KIF26B: variants seen among roughly 807,000 people sequenced by gnomAD.
KIF26B encodes kinesin-like protein KIF26B.
KIF26B carries 63 observed loss-of-function variants against 151.2 expected under a neutral mutation model. The ratio of observed to expected loss-of-function variants is 0.42; its 90% CI spans 0.34 to 0.51. The LOEUF (loss-of-function observed/expected upper bound fraction) is 0.51, where lower values mean the gene tolerates loss of function less well. KIF26B is among the 20% of genes least tolerant of loss of function. KIF26B has a pLI of 0.07. For synonymous variants in KIF26B, 1,357 were observed against 1,262.1 expected (o/e 1.08, Z -1.59); for missense variants, 2,813 against 2,913.6 (o/e 0.97, Z 0.79).
intron 4 of KIF26B, among the ~76,000 whole-genome samples, chr1:245,501,928 T>C (rs1660629950): frequency 6.6e-6 from 1 of 152,234 alleles, no homozygotes; most frequent in South Asian, 2.1e-4. Context: ...GGACGCCAGC[T>C]GTACCATCTA....
intron 12 of KIF26B, among the ~76,000 whole-genome samples, chr1:245,690,629 C>A (rs1377613982): frequency 6.6e-6 from 1 of 152,218 alleles, no homozygotes; most frequent in Non-Finnish European, 1.5e-5. Context: ...ATATAGACAG[C>A]CCCATCCGCT....
chr1:245,202,574 C>G (rs1437401103), intron 2 of KIF26B, among the ~76,000 whole-genome samples: 1 of 151,972 alleles, frequency 6.6e-6, no homozygotes, highest in Non-Finnish European at 1.5e-5. Context: ...ACCTGGCCAA[C>G]ATGGTGAAAC....
intron 5 of KIF26B, among the ~76,000 whole-genome samples, chr1:245,575,092 C>T (rs1210437671): frequency 1.3e-5 from 2 of 151,294 alleles, no homozygotes; most frequent in African/African-American, 4.8e-5. Context: ...GTCTCCATCT[C>T]CTGACCTTGT....
rs148480593 is a variant in KIF26B at position 245,294,882 on chromosome 1, C to G, written c.466-71952C>G. On this transcript the variant is annotated intron_variant, in intron 2 of 14. Transcript: ENST00000407071. Reference sequence around the variant, plus strand: ...TTCACGATGTTGGCCAGGCTGGTCTCGAACTCCTGATCTCAAGTGATCCAC... The same window carrying G: ...TTCACGATGTTGGCCAGGCTGGTCTGGAACTCCTGATCTCAAGTGATCCAC... Among the ~76,000 whole-genome samples, 2 of 152,076 alleles carry G rather than the reference C, an allele frequency of 1.3e-5. 1 individual carries two copies. Among genetic ancestry groups the G allele is most frequent in the East Asian group, 3.9e-4 (2 of 5,188 alleles).
intron 2 of KIF26B, among the ~76,000 whole-genome samples, chr1:245,256,661 C>T (rs778273281): frequency 2.6e-5 from 4 of 152,120 alleles, no homozygotes; most frequent in Non-Finnish European, 5.9e-5. Context: ...AATGCTAATC[C>T]AGGCGGTGAT....
At chr1:245,653,326 C>A (rs1476317367) in intron 10 of KIF26B, among the ~76,000 whole-genome samples, 1 of 152,064 alleles carries the variant, frequency 6.6e-6, no homozygotes, top group South Asian at 2.1e-4. Context: ...CTTGCTGGAC[C>A]ACAGGGAGGA....
At chr1:245,335,576 G>A (rs1572010333) in intron 2 of KIF26B, among the ~76,000 whole-genome samples, 1 of 151,952 alleles carries the variant, frequency 6.6e-6, no homozygotes, top group African/African-American at 2.4e-5. Flanking sequence ...GGAAAGGAGA[G>A]TCCCACGCGG....
intron 2 of KIF26B, among the ~76,000 whole-genome samples, chr1:245,160,202 A>C (rs948699795): frequency 1.3e-5 from 2 of 152,248 alleles, no homozygotes; most frequent in African/African-American, 2.4e-5. Flanking sequence ...ATTGTAAAAC[A>C]CTCAGATTGA....
chr1:245,474,006 T>A (rs2103065239), intron 4 of KIF26B, among the ~76,000 whole-genome samples: 1 of 151,912 alleles, frequency 6.6e-6, no homozygotes. Flanking sequence ...ATTTCCCCTT[T>A]CTTTATGCTA....
At position 245,390,943 on chromosome 1, in the gene KIF26B, A is replaced by AAAAAAAAAAAAAAACAAAACAAAAC. The variant is rs1553270131; in HGVS notation, c.999+23585_999+23586insAAAAACAAAACAAAACAAAAAAAAA. On this transcript the variant is annotated intron_variant, in intron 3 of 14. Transcript: ENST00000407071. ...TCTCAAAAAAAAAAAAAAAAAAAAAAAAAAAAAAACCACCATAAAATTTTG... is the reference window on the plus strand; with the variant it reads ...TCTCAAAAAAAAAAAAAAAAAAAAAAAAAAAAAAAAAAAACAAAACAAAACAAAAAAAAACCACCATAAAATTTTG... Among the ~76,000 whole-genome samples, 41 of 118,446 alleles carry AAAAAAAAAAAAAAACAAAACAAAAC rather than the reference A, an allele frequency of 3.5e-4. 1 individual carries two copies. Among genetic ancestry groups the AAAAAAAAAAAAAAACAAAACAAAAC allele is most frequent in the East Asian group, 1.1e-3 (4 of 3,494 alleles). The allele number at this position is 118,446 out of a possible 152,430, so 77.7% of individuals were successfully genotyped here. A position where few individuals can be genotyped will look rare whatever the true frequency, so the allele number is the denominator to read the frequency against.
rs1002911224 is a variant in KIF26B, at chr1:245,626,752, A to C, written c.2098+14776A>C. 7.9e-5 allele frequency among the ~76,000 whole-genome samples: 12 copies of C among 152,166 alleles called. No homozygotes were observed. In the East Asian group the frequency reaches 9.6e-4, roughly 12 times the overall value. ...TAGTTTAACATACTCCAATCTTTCTAATTTTGGTTTTCTTACTTGTGCTTT... is the reference window on the plus strand; with the variant it reads ...TAGTTTAACATACTCCAATCTTTCTCATTTTGGTTTTCTTACTTGTGCTTT... On this transcript the variant is annotated intron_variant, in intron 9 of 14. Coordinates refer to ENST00000407071, the MANE Select transcript of KIF26B (RefSeq NM_018012.4).
chr1:245,179,762 A>C (rs1668871922), intron 2 of KIF26B, among the ~76,000 whole-genome samples: 1 of 152,238 alleles, frequency 6.6e-6, no homozygotes, highest in Admixed American at 6.5e-5. Context: ...GAATTCGGGT[A>C]ATCCAGGAGG....
chr1:245,565,059 C>A (rs2042996109), intron 5 of KIF26B, among the ~76,000 whole-genome samples: 1 of 152,144 alleles, frequency 6.6e-6, no homozygotes, highest in Non-Finnish European at 1.5e-5. Context: ...ATCACTTGAG[C>A]CCAGGAGTTC....
intron 5 of KIF26B, among the ~76,000 whole-genome samples, chr1:245,568,354 G>A (rs1364177170): frequency 1.3e-5 from 2 of 151,606 alleles, no homozygotes; most frequent in African/African-American, 4.8e-5. Context: ...CACAAAAAAT[G>A]TTTTTTAAAA....
intron 3 of KIF26B, among the ~76,000 whole-genome samples, chr1:245,393,349 G>C (rs1300538216): frequency 6.6e-6 from 1 of 152,064 alleles, no homozygotes; most frequent in Non-Finnish European, 1.5e-5. Context: ...TTCTGTTCTT[G>C]CTTCATGGAT....
chr1:245,563,786 C>T lies in KIF26B; in HGVS notation c.1350+22836C>T, dbSNP rs2042979038. Among the ~76,000 whole-genome samples, 1 of 151,924 alleles carries T rather than the reference C, an allele frequency of 6.6e-6. No homozygotes were observed. The highest frequency in any genetic ancestry group is 2.4e-5 in the African/African-American group (1 of 41,366). On this transcript the variant is annotated intron_variant, in intron 5 of 14. Coordinates refer to ENST00000407071, the MANE Select transcript of KIF26B (RefSeq NM_018012.4). The surrounding 1 kb of genome is among the most constrained non-coding windows in gnomAD (Gnocchi z 4.6). ...ATGTAACGCAATTACCGCTGCGTTA[C>T]CAGCAATCCCAAGAGGACCCCAGAC...
chr1:245,529,986 T>A (rs1345745429), intron 4 of KIF26B, among the ~76,000 whole-genome samples: 1 of 151,864 alleles, frequency 6.6e-6, no homozygotes, highest in African/African-American at 2.4e-5. Flanking sequence ...GAAAAAAAAA[T>A]CTAATAATCC....
chr1:245,183,328 A>G (rs1668939456), intron 2 of KIF26B, among the ~76,000 whole-genome samples: 1 of 152,084 alleles, frequency 6.6e-6, no homozygotes, highest in African/African-American at 2.4e-5. Context: ...CAGTTGATCA[A>G]TTTTTCTTTT....
At chr1:245,449,862 T>C (rs1350051184) in intron 4 of KIF26B, among the ~76,000 whole-genome samples, 2 of 152,242 alleles carry the variant, frequency 1.3e-5, no homozygotes, top group African/African-American at 4.8e-5. Context: ...ATCGTCATAC[T>C]GTGTGCTTTT....
Sources: allele counts gnomAD v4.1 joint callset (sites outside exome capture counted in the v4.1 genomes callset), GRCh38; gene constraint gnomAD v4.1.1; non-coding constraint Gnocchi (gnomAD v3.1); transcripts MANE v1.5; gene names NCBI Gene and HGNC (gene_info 2026-07-23, HGNC 2026-07-21).